The following PRKG1 variants were observed in gnomAD, a reference collection of about 807,000 sequenced individuals.
PRKG1 encodes cGMP-dependent protein kinase 1.
In PRKG1, 35 loss-of-function variants were observed where a neutral mutation model predicts 88.1. The observed-to-expected ratio is 0.40, with a 90% confidence interval of 0.30 to 0.53. The LOEUF (loss-of-function observed/expected upper bound fraction) is 0.53. Ranked by LOEUF, PRKG1 falls within the 20% of genes least tolerant of loss-of-function variation. The pLI, the probability that PRKG1 is intolerant of heterozygous loss-of-function variation, is 0.59. For missense variants in PRKG1, 540 were observed against 839.8 expected (o/e 0.64, Z 4.41); for synonymous variants, 303 against 292.5 (o/e 1.04, Z -0.37).
intron 2 of PRKG1, among the ~76,000 whole-genome samples, chr10:51,355,300 T>G (rs1440432651): frequency 1.3e-5 from 2 of 152,086 alleles, no homozygotes; most frequent in East Asian, 3.9e-4. Context: ...CTGGAAATGT[T>G]AAGTAACTTA....
chr10:51,011,920 T>C (rs1310649287), intron 1 of PRKG1, among the ~76,000 whole-genome samples: 1 of 152,104 alleles, frequency 6.6e-6, no homozygotes, highest in Non-Finnish European at 1.5e-5. Context: ...AGCCTCACAA[T>C]TGTGGTGGAA....
chr10:51,182,324 T>C (rs1021689113), intron 2 of PRKG1, among the ~76,000 whole-genome samples: 1 of 152,296 alleles, frequency 6.6e-6, no homozygotes, highest in Non-Finnish European at 1.5e-5. Flanking sequence ...TTAAGACAAA[T>C]GGATTATGCC....
chr10:51,720,169 A>G (rs1256485003), intron 3 of PRKG1, among the ~76,000 whole-genome samples: 1 of 152,112 alleles, frequency 6.6e-6, no homozygotes, highest in East Asian at 1.9e-4. Flanking sequence ...AATCTTCACT[A>G]CCTTCCCCCT....
In PRKG1 at chr10:51,231,409, A is replaced by C. The variant is rs147556418; in HGVS notation, c.478+78079A>C. On this transcript the variant is annotated intron_variant, in intron 2 of 17. Transcript: ENST00000373980. ...TATTGCCATGTCAGAGTGAGCAGCC[A>C]AATTGTGCGTTTCAGTCTCATGGCT... Among the ~76,000 whole-genome samples the C allele has an allele frequency of 3.1e-3, 471 of 152,262 alleles. 2 individuals are homozygous for C. The highest frequency in any genetic ancestry group is 0.011 in the African/African-American group (453 of 41,560).
chr10:51,353,641 C>A (rs554246296), intron 2 of PRKG1, among the ~76,000 whole-genome samples: 91 of 152,056 alleles, frequency 6.0e-4, no homozygotes, highest in African/African-American at 2.1e-3. Flanking sequence ...AAAAGTCAGG[C>A]AATAACAAAT....
chr10:51,699,067 C>T lies in PRKG1; in HGVS notation c.593-105518C>T. 1 of 1,614,236 alleles carries T rather than the reference C, an allele frequency of 6.2e-7. No individual in the cohort carries two copies. The highest frequency in any genetic ancestry group is 8.5e-7 in the Non-Finnish European group (1 of 1,180,048). On this transcript the variant is annotated intron_variant, in intron 3 of 17. Coordinates refer to ENST00000373980, the MANE Select transcript of PRKG1 (RefSeq NM_006258.4). ...AAGCCAGTTGTGGATTTTGAAGTAA[C>T]ATGTTTCGAGCTTCCTGGTGGCTGT...
rs561256527 is a variant in PRKG1 at position 52,292,947 on chromosome 10, A to T, written c.1963-855A>T. 1.1e-4 allele frequency among the ~76,000 whole-genome samples: 16 copies of T among 152,260 alleles called. No individual in the cohort carries two copies. In the South Asian group the frequency reaches 3.3e-3, roughly 32 times the overall value. On this transcript the variant is annotated intron_variant, in intron 17 of 17. Coordinates refer to ENST00000373980, the MANE Select transcript of PRKG1 (RefSeq NM_006258.4). ...AGGAGAAGTAAATAAAGGGTATTCAATTAGGAAAAGAGGAAGTCAAATTGT... is the reference window on the plus strand; with the variant it reads ...AGGAGAAGTAAATAAAGGGTATTCATTTAGGAAAAGAGGAAGTCAAATTGT...
intron 5 of PRKG1, among the ~76,000 whole-genome samples, chr10:52,042,766 A>G (rs1845780684): frequency 6.6e-6 from 1 of 152,200 alleles, no homozygotes; most frequent in Non-Finnish European, 1.5e-5. Context: ...AGGGGAAACA[A>G]TCAACATAGT....
intron 7 of PRKG1, among the ~76,000 whole-genome samples, chr10:52,072,158 C>CTTT (rs60576406): frequency 5.3e-4 from 21 of 39,560 alleles, no homozygotes; most frequent in African/African-American, 2.0e-3. Context: ...TATTGTTTTG[C>CTTT]TTTTTTTTTT....
intron 3 of PRKG1, among the ~76,000 whole-genome samples, chr10:51,714,229 C>T (rs1485722277): frequency 2.0e-5 from 3 of 152,194 alleles, no homozygotes; most frequent in East Asian, 1.9e-4. Flanking sequence ...CCGCCCACCT[C>T]GGCCTCCCAA....
At chr10:51,993,115 A>C (rs78424353) in intron 5 of PRKG1, among the ~76,000 whole-genome samples, 4,738 of 152,256 alleles carry the variant, frequency 0.031, 98 homozygotes, top group Non-Finnish European at 0.049. Flanking sequence ...AATGTTAGTA[A>C]CTAGTTTGTA....
At chr10:51,155,795 C>T (rs1338646952) in intron 2 of PRKG1, among the ~76,000 whole-genome samples, 1 of 151,898 alleles carries the variant, frequency 6.6e-6, no homozygotes, top group Non-Finnish European at 1.5e-5. Flanking sequence ...GGACTTTTTT[C>T]TATTTGACTG....
At chr10:50,993,858 A>T (rs1482410471) in intron 1 of PRKG1, among the ~76,000 whole-genome samples, 2 of 152,134 alleles carry the variant, frequency 1.3e-5, no homozygotes, top group African/African-American at 4.8e-5. Flanking sequence ...TACTGGGAGG[A>T]AATGGCTAAT....
chr10:51,331,158 C>G (rs1231620576), intron 2 of PRKG1, among the ~76,000 whole-genome samples: 1 of 152,084 alleles, frequency 6.6e-6, no homozygotes, highest in East Asian at 1.9e-4. Flanking sequence ...ATCCTTGGGA[C>G]CACTACAGCC....
At chr10:51,320,315 G>C (rs1841422863) in intron 2 of PRKG1, 1 of 169,358 alleles carries the variant, frequency 5.9e-6, no homozygotes, top group African/African-American at 2.4e-5. Flanking sequence ...CAGATACCCA[G>C]CTTTAGGGAT....
chr10:51,406,974 G>A (rs1837937689), intron 2 of PRKG1, among the ~76,000 whole-genome samples: 1 of 152,166 alleles, frequency 6.6e-6, no homozygotes, highest in African/African-American at 2.4e-5. Flanking sequence ...ACGTTTGAGG[G>A]CAGGAAGCAT....
intron 1 of PRKG1, among the ~76,000 whole-genome samples, chr10:51,116,185 G>A (rs1314697811): frequency 2.6e-5 from 4 of 152,156 alleles, no homozygotes; most frequent in African/African-American, 9.7e-5. Flanking sequence ...GTTTGTGAAT[G>A]GTAAAATGCT....
intron 3 of PRKG1, among the ~76,000 whole-genome samples, chr10:51,730,115 T>G (rs937826659): frequency 2.0e-5 from 3 of 152,186 alleles, no homozygotes; most frequent in African/African-American, 7.2e-5. Flanking sequence ...AACTCCCTTG[T>G]GGTGAAAATG....
At chr10:51,681,845 G>T (rs762147904) in intron 3 of PRKG1, among the ~76,000 whole-genome samples, 5 of 152,084 alleles carry the variant, frequency 3.3e-5, no homozygotes, top group Non-Finnish European at 7.4e-5. Flanking sequence ...ATAACATGTT[G>T]TGTACCACCT....
Sources: allele counts gnomAD v4.1 joint callset (sites outside exome capture counted in the v4.1 genomes callset), GRCh38; gene constraint gnomAD v4.1.1; transcripts MANE v1.5; gene names NCBI Gene and HGNC (gene_info 2026-07-23, HGNC 2026-07-21).